The following TOB1 variants were observed in gnomAD, a reference collection of about 807,000 sequenced individuals.
TOB1 encodes transducer of ERBB2, 1, also known as protein Tob1.
TOB1 carries 2 observed loss-of-function variants against 22.9 expected under a neutral mutation model. The observed-to-expected ratio is 0.09, with a 90% CI of 0.04 to 0.28. TOB1 has a LOEUF of 0.28. Ranked by LOEUF, TOB1 falls within the 10% of genes least tolerant of loss-of-function variation. TOB1 has a pLI of 1.00. For synonymous variants in TOB1, 154 were observed against 150.6 expected (o/e 1.02, Z -0.17); for missense variants, 299 against 420.5 (o/e 0.71, Z 2.53).
upstream of TOB1, chr17:50,867,782 A>G (rs556472935): frequency 4.2e-4 from 64 of 152,288 alleles, no homozygotes; most frequent in African/African-American, 1.4e-3. Flanking sequence ...AACCTGCTAT[A>G]AGGAAGTTAA....
At position 50,863,388 on chromosome 17, in the gene TOB1, G is replaced by T; in HGVS notation, c.630C>A (p.Gly210=). 1 of 1,614,140 alleles carries T rather than the reference G, an allele frequency of 6.2e-7. No individual in the cohort carries two copies. Among genetic ancestry groups the T allele is most frequent in the Non-Finnish European group, 8.5e-7 (1 of 1,180,026 alleles). Residue 210 remains glycine (G), a synonymous_variant, in exon 2 of 2, where the codon GGC becomes GGA. Transcript: ENST00000499247. The part of the protein sequence containing the change: ...KVARTSPINL[G]LNVNDLLKQK... ...GCTTCAAGAGGTCATTCACATTCAA[G>T]CCGAGGTTGATGGGAGAAGTACGTG...
At position 50,862,866 on chromosome 17, in the gene TOB1, C is replaced by G; in HGVS notation, c.*114G>C. The G allele has an allele frequency of 7.6e-7, 1 of 1,322,964 alleles. No individual in the cohort carries two copies. Among genetic ancestry groups the G allele is most frequent in the Non-Finnish European group, 9.9e-7 (1 of 1,013,128 alleles). 82.0% of individuals were successfully genotyped at this position (1,322,964 alleles called of 1,614,324 possible). A position where few individuals can be genotyped will look rare whatever the true frequency, so the allele number is the denominator to read the frequency against. ...CATGTTTTATTATTATTTTTTTAAC[C>G]AAGCTTGAATGTATCCTTACTATAA... is the stretch of plus-strand genomic sequence containing the variant. On this transcript the variant is annotated 3_prime_UTR_variant, in exon 2 of 2. Coordinates refer to ENST00000499247, the MANE Select transcript of TOB1 (RefSeq NM_005749.4).
At chr17:50,864,555 C>T (rs1276342698) in intron 1 of TOB1, among the ~76,000 whole-genome samples, 1 of 151,944 alleles carries the variant, frequency 6.6e-6, no homozygotes, top group Non-Finnish European at 1.5e-5. Context: ...ATAGATGCCA[C>T]TTTTAGGTAG....
chr17:50,863,542 T>G lies in TOB1; in HGVS notation c.476A>C (p.His159Pro), dbSNP rs1597989875. ...VSSSPSPPFG[H>P]SAAVSPTFMP... The stretch of plus-strand genomic sequence containing the variant: ...GAAGGTAGGGCTTACAGCAGCAGAG[T>G]GACCAAAAGGAGGCGATGGAGAGCT... Residue 159 changes from histidine (H) to proline (P), a missense_variant, in exon 2 of 2, where the codon CAC becomes CCC. Transcript: ENST00000499247. The G allele has an allele frequency of 1.2e-6, 2 of 1,614,014 alleles. No individual in the cohort carries two copies. Among genetic ancestry groups the G allele is most frequent in the Non-Finnish European group, 1.7e-6 (2 of 1,180,000 alleles).
chr17:50,864,003 G>A lies in TOB1; in HGVS notation c.15C>T (p.Ile5=), dbSNP rs981726695. MQLE[I]QVALNFIISY... ...AAATAATAAAATTTAGTGCTACTTG[G>A]ATTTCAAGCTGCATAGCTGCTACGC... The change falls in exon 2 of 2, where the codon ATC becomes ATT. Residue 5 remains isoleucine (I), a synonymous_variant. Transcript: ENST00000499247. 8 of 1,445,872 alleles carry A rather than the reference G, an allele frequency of 5.5e-6. No individual in the cohort carries two copies. Among genetic ancestry groups the A allele is most frequent in the Non-Finnish European group, 7.4e-6 (8 of 1,077,878 alleles). The allele number at this position is 1,445,872 out of a possible 1,614,324, so 89.6% of individuals were successfully genotyped here. A position where few individuals can be genotyped will look rare whatever the true frequency, so the allele number is the denominator to read the frequency against.
At chr17:50,867,295 T>C (rs1972326932), upstream of TOB1, 1 of 152,334 alleles carries the variant, frequency 6.6e-6, no homozygotes, top group Non-Finnish European at 1.5e-5. Context: ...GTGCACAGAA[T>C]AAACGCGGTG....
Position 50,862,640 on chromosome 17 carries a change from T to C in TOB1, c.*340A>G. On this transcript the variant is annotated 3_prime_UTR_variant, in exon 2 of 2. Coordinates refer to ENST00000499247, the MANE Select transcript of TOB1 (RefSeq NM_005749.4). ...CAATATATATATATCCTCTGATATTTTACAAACTTTGTACTAAATTAAATT... is the reference window on the plus strand; with the variant it reads ...CAATATATATATATCCTCTGATATTCTACAAACTTTGTACTAAATTAAATT... 1 of 189,312 alleles carries C rather than the reference T, an allele frequency of 5.3e-6. No homozygotes were observed. The highest frequency in any genetic ancestry group is 1.1e-5 in the Non-Finnish European group (1 of 92,924). 11.7% of individuals were successfully genotyped at this position (189,312 alleles called of 1,614,324 possible).
At chr17:50,865,226 G>C (rs1972278213) in intron 1 of TOB1, among the ~76,000 whole-genome samples, 1 of 152,214 alleles carries the variant, frequency 6.6e-6, no homozygotes, top group Non-Finnish European at 1.5e-5. Flanking sequence ...TGGTGACAAA[G>C]GGAAAAAGAA....
intron 1 of TOB1, 106 bp from the exon 2 acceptor site, chr17:50,864,269 G>C (rs768687570): frequency 8.0e-5 from 43 of 536,236 alleles, no homozygotes; most frequent in Non-Finnish European, 1.1e-4. Context: ...AAGATCCTGT[G>C]TTAGTCTGCT....
chr17:50,864,229 T>A, intron 1 of TOB1, 66 bp from the exon 2 acceptor site: 2 of 902,424 alleles, frequency 2.2e-6, no homozygotes, highest in Non-Finnish European at 2.9e-6. Flanking sequence ...CCTTCCCCCC[T>A]CCAAAGTAAT....
chr17:50,867,805 C>G (rs1462431453), upstream of TOB1: 1 of 152,206 alleles, frequency 6.6e-6, no homozygotes, highest in Non-Finnish European at 1.5e-5. Flanking sequence ...CGCAGCTCAC[C>G]GAGGAGTAGG....
chr17:50,863,593 A>T lies in TOB1; in HGVS notation c.425T>A (p.Ile142Lys). ...GGACACTGATGAGGCTGGGTCACTT[A>T]TGGGCATAAAAACCTGGGCCTCTGG... Reference protein sequence around the residue: ...FNPEAQVFMPISDPASSVSSS... With the variant: ...FNPEAQVFMPKSDPASSVSSS... The change falls in exon 2 of 2, where the codon ATA becomes AAA. Residue 142 changes from isoleucine to lysine, a missense_variant. By Grantham distance (102) the Ile-to-Lys change is moderately radical (BLOSUM62 -3). Coordinates refer to ENST00000499247, the MANE Select transcript of TOB1 (RefSeq NM_005749.4). The T allele has an allele frequency of 6.2e-7, 1 of 1,614,190 alleles. No individual in the cohort carries two copies. The highest frequency in any genetic ancestry group is 8.5e-7 in the Non-Finnish European group (1 of 1,180,032).
chr17:50,867,860 CACAAACCCGCCGT>C (rs1233097197), upstream of TOB1: 1 of 152,208 alleles, frequency 6.6e-6, no homozygotes. Flanking sequence ...GCTCCTCGGG[CACAAACCCGCCGT>C]ACATGCCAGG....
chr17:50,865,939 C>G (rs1972296665), intron 1 of TOB1, 119 bp downstream of exon 1: 1 of 151,844 alleles, frequency 6.6e-6, no homozygotes, highest in Non-Finnish European at 1.5e-5. Flanking sequence ...GGCCGCGACC[C>G]CGCCGTCCCC....
At chr17:50,866,439 T>C (rs899669813), upstream of TOB1, 2 of 150,724 alleles carry the variant, frequency 1.3e-5, no homozygotes, top group East Asian at 2.0e-4. Context: ...CCGCTCCGCG[T>C]CACACAGCTC....
chr17:50,862,902 A>C lies in TOB1; in HGVS notation c.*78T>G. On this transcript the variant is annotated 3_prime_UTR_variant, in exon 2 of 2. Coordinates refer to ENST00000499247, the MANE Select transcript of TOB1 (RefSeq NM_005749.4). ...GTATCCTTACTATAAGCTTAAAAAA[A>C]AAAATTCTCAAGGAGGTGAAAAAAA... is the stretch of plus-strand genomic sequence containing the variant. The C allele has an allele frequency of 6.7e-7, 1 of 1,482,854 alleles. No homozygotes were observed. The highest frequency in any genetic ancestry group is 2.3e-5 in the East Asian group (1 of 43,160). The allele number at this position is 1,482,854 out of a possible 1,614,324, so 91.9% of individuals were successfully genotyped here. A position where few individuals can be genotyped will look rare whatever the true frequency, so the allele number is the denominator to read the frequency against.
In TOB1 at chr17:50,862,958, T is replaced by C; in HGVS notation, c.*22A>G. The C allele has an allele frequency of 1.3e-6, 2 of 1,573,286 alleles. No individual in the cohort carries two copies. The highest frequency in any genetic ancestry group is 1.7e-6 in the Non-Finnish European group (2 of 1,161,784). The stretch of plus-strand genomic sequence containing the variant: ...CCCCTTGGGCCCGTGCATTTTAACT[T>C]GTACGATACATTTTCTTTTTTTTAG... On this transcript the variant is annotated 3_prime_UTR_variant, in exon 2 of 2. Coordinates refer to ENST00000499247, the MANE Select transcript of TOB1 (RefSeq NM_005749.4).
chr17:50,866,497 C>A (rs1972312180), upstream of TOB1: 1 of 152,394 alleles, frequency 6.6e-6, no homozygotes. Context: ...CCCCGGTCCC[C>A]CGCCGGCCGG....
rs1972250407 is a variant in TOB1 at position 50,863,555 on chromosome 17, G to A, written c.463C>T (p.Pro155Ser). The A allele has an allele frequency of 1.2e-6, 2 of 1,614,054 alleles. No individual in the cohort carries two copies. The highest frequency in any genetic ancestry group is 1.3e-5 in the African/African-American group (1 of 74,902). Residue 155 changes from proline (P) to serine (S), a missense_variant, in exon 2 of 2, where the codon CCT (proline) becomes TCT (serine). Coordinates refer to ENST00000499247, the MANE Select transcript of TOB1 (RefSeq NM_005749.4). ...ACAGCAGCAGAGTGACCAAAAGGAG[G>A]CGATGGAGAGCTGGACACTGATGAG... ...PASSVSSSPS[P>S]PFGHSAAVSP...
Sources: allele counts gnomAD v4.1 joint callset (sites outside exome capture counted in the v4.1 genomes callset), GRCh38; gene constraint gnomAD v4.1.1; transcripts MANE v1.5; gene names NCBI Gene and HGNC (gene_info 2026-07-23, HGNC 2026-07-21).